CCSER1: variants seen among roughly 807,000 people sequenced by gnomAD.
CCSER1 encodes the protein coiled-coil serine rich protein 1, also known as serine-rich coiled-coil domain-containing protein 1.
Under a neutral mutation model 82.0 loss-of-function variants are expected in CCSER1, and 41 were observed. The observed-to-expected ratio is 0.50, with a 90% CI of 0.39 to 0.65. The LOEUF is 0.65. CCSER1 is among the 30% of genes least tolerant of loss of function. The pLI, the probability that CCSER1 is intolerant of heterozygous loss-of-function variation, is 0.00. For missense variants in CCSER1, 1,119 were observed against 1,064.2 expected, an observed-to-expected ratio of 1.05 and a Z score of -0.72; for synonymous variants, 414 against 383.9, an observed-to-expected ratio of 1.08 and a Z score of -0.92.
chr4:90,419,443 G>A (rs1756353178), intron 4 of CCSER1, among the ~76,000 whole-genome samples: 1 of 152,022 alleles, frequency 6.6e-6, no homozygotes, highest in South Asian at 2.1e-4. Context: ...ATCAAGTACA[G>A]TGGAGGGAGC....
Position 91,233,062 on chromosome 4 carries a change from T to A in CCSER1, c.2217+147068T>A, listed in dbSNP as rs560527217. Among the ~76,000 whole-genome samples the A allele has an allele frequency of 1.4e-4, 22 of 151,896 alleles. No homozygotes were observed. In the East Asian group the frequency reaches 4.3e-3, roughly 29 times the overall value. ...ATTGGAGAGATCATTTACTGGTTAC[T>A]TTATATGCTTCTCTGTTTGGAGTTT... On this transcript the variant is annotated intron_variant, in intron 10 of 10. Coordinates refer to ENST00000509176, the MANE Select transcript of CCSER1 (RefSeq NM_001145065.2).
chr4:91,409,453 G>C (rs1752896740), intron 10 of CCSER1, among the ~76,000 whole-genome samples: 2 of 151,976 alleles, frequency 1.3e-5, no homozygotes, highest in Admixed American at 1.3e-4. Context: ...AAATGTTTCT[G>C]TAGTTTTCAA....
intron 7 of CCSER1, 132 bp downstream of exon 7, chr4:90,724,123 C>T (rs1743210895): frequency 1.9e-6 from 1 of 524,254 alleles, no homozygotes; most frequent in Non-Finnish European, 3.3e-6. Flanking sequence ...ATCTTAAAAT[C>T]GTTTTTTTGT....
intron 8 of CCSER1, among the ~76,000 whole-genome samples, chr4:90,882,341 A>G (rs551131775): frequency 6.6e-6 from 1 of 152,166 alleles, no homozygotes; most frequent in African/African-American, 2.4e-5. Context: ...CAGCATTGAG[A>G]AACCCTAAAC....
intron 6 of CCSER1, among the ~76,000 whole-genome samples, chr4:90,683,688 A>C (rs1734292846): frequency 6.6e-6 from 1 of 152,144 alleles, no homozygotes; most frequent in Admixed American, 6.6e-5. Flanking sequence ...ATGATTAATT[A>C]TAATTTTATT....
intron 3 of CCSER1, among the ~76,000 whole-genome samples, chr4:90,367,713 TGAAAACG>T (rs1368416056): frequency 2.0e-5 from 3 of 151,800 alleles, no homozygotes; most frequent in Admixed American, 6.6e-5. Flanking sequence ...AAATTATGAC[TGAAAACG>T]GAGTTGGTGA....
At chr4:90,925,019 C>A (rs1163784349) in intron 9 of CCSER1, among the ~76,000 whole-genome samples, 1 of 152,064 alleles carries the variant, frequency 6.6e-6, no homozygotes, top group Non-Finnish European at 1.5e-5. Context: ...GAGCCACCAC[C>A]CCCTGCCTAA....
intron 7 of CCSER1, among the ~76,000 whole-genome samples, chr4:90,775,416 A>G (rs1010266646): frequency 6.6e-6 from 1 of 152,178 alleles, no homozygotes; most frequent in African/African-American, 2.4e-5. Context: ...GTTTTACAGT[A>G]AAAGAGATAA....
rs773567123 is a variant in CCSER1, at chr4:90,313,087, T to C, written c.1509+40T>C. The C allele has an allele frequency of 1.7e-5, 25 of 1,452,736 alleles. No individual in the cohort carries two copies. In the East Asian group the frequency reaches 5.7e-4, roughly 33 times the overall value. The allele number at this position is 1,452,736 out of a possible 1,614,324, so 90.0% of individuals were successfully genotyped here. A position where few individuals can be genotyped will look rare whatever the true frequency, so the allele number is the denominator to read the frequency against. ...ATGTCTGCCTCTAATAAAATAATGC[T>C]GTCTATATCCGACATGTTCATGTCT... On this transcript the variant is annotated intron_variant, in intron 3 of 10. Transcript: ENST00000509176.
intron 1 of CCSER1, among the ~76,000 whole-genome samples, chr4:90,265,437 A>G (rs1000131701): frequency 3.3e-5 from 5 of 151,904 alleles, no homozygotes; most frequent in African/African-American, 9.7e-5. Flanking sequence ...TAATATTAGG[A>G]CTGGTTAATA....
At position 91,604,799 on chromosome 4, in the gene CCSER1, C is replaced by T. The variant is rs1764907520; in HGVS notation, c.*5742C>T. 1 of 151,868 alleles carries T rather than the reference C, an allele frequency of 6.6e-6. No homozygotes were observed. The highest frequency in any genetic ancestry group is 1.5e-5 in the Non-Finnish European group (1 of 67,878). 9.4% of individuals were successfully genotyped at this position (151,868 alleles called of 1,614,324 possible). A position where few individuals can be genotyped will look rare whatever the true frequency, so the allele number is the denominator to read the frequency against. On this transcript the variant is annotated 3_prime_UTR_variant, in exon 11 of 11. Coordinates refer to ENST00000509176, the MANE Select transcript of CCSER1 (RefSeq NM_001145065.2). ...AGGAATTGAAGTGAAATGAGGAATA[C>T]AAATTTACTTGTCCTAAATTTTTAA...
intron 4 of CCSER1, among the ~76,000 whole-genome samples, chr4:90,413,981 A>AATAGATATATATATATAT (rs1755396782): frequency 1.9e-5 from 1 of 52,454 alleles, no homozygotes; most frequent in African/African-American, 1.0e-4. Flanking sequence ...AAAAAAAAAA[A>AATAGATATATATATATAT]ATATATATAT....
chr4:91,090,293 G>T (rs1171330006), intron 10 of CCSER1, among the ~76,000 whole-genome samples: 3 of 152,170 alleles, frequency 2.0e-5, no homozygotes, highest in Non-Finnish European at 4.4e-5. Context: ...CCACTGATCA[G>T]GTGGCTTAGC....
At chr4:91,415,263 T>C (rs1348025931) in intron 10 of CCSER1, among the ~76,000 whole-genome samples, 1 of 152,146 alleles carries the variant, frequency 6.6e-6, no homozygotes, top group Non-Finnish European at 1.5e-5. Context: ...CTATTTTGTA[T>C]CTGAGGCTTT....
chr4:90,322,513 GA>G (rs1420972067), intron 3 of CCSER1, among the ~76,000 whole-genome samples: 1 of 152,090 alleles, frequency 6.6e-6, no homozygotes, highest in African/African-American at 2.4e-5. Flanking sequence ...CTATATCTGT[GA>G]AGAATGTCAT....
intron 1 of CCSER1, among the ~76,000 whole-genome samples, chr4:90,218,541 C>T (rs1741532500): frequency 6.6e-6 from 1 of 152,164 alleles, no homozygotes; most frequent in East Asian, 1.9e-4. Flanking sequence ...AAACATTAAA[C>T]TTGCAGTGAG....
chr4:90,716,857 T>C (rs1309078671), intron 6 of CCSER1, among the ~76,000 whole-genome samples: 1 of 152,166 alleles, frequency 6.6e-6, no homozygotes, highest in African/African-American at 2.4e-5. Context: ...TGAGACATAA[T>C]GCTTACATAT....
At chr4:90,621,970 T>C (rs953835106) in intron 5 of CCSER1, among the ~76,000 whole-genome samples, 1 of 152,226 alleles carries the variant, frequency 6.6e-6, no homozygotes, top group African/African-American at 2.4e-5. Context: ...TATAATTATT[T>C]CTATTTTGCT....
At chr4:90,880,970 C>A (rs1016673513) in intron 8 of CCSER1, among the ~76,000 whole-genome samples, 1 of 151,774 alleles carries the variant, frequency 6.6e-6, no homozygotes, top group Non-Finnish European at 1.5e-5. Flanking sequence ...AATTTACCTG[C>A]CCCTTTTGCC....
Sources: gnomAD v4.1 joint callset for allele counts (sites outside exome capture counted in the v4.1 genomes callset) on GRCh38, gnomAD v4.1.1 for gene constraint, MANE v1.5 for transcripts, NCBI Gene and HGNC (gene_info 2026-07-23, HGNC 2026-07-21) for gene names.